TSHZ2: variants seen among roughly 807,000 people sequenced by gnomAD.
TSHZ2 encodes teashirt homolog 2.
A neutral mutation model predicts 74.4 loss-of-function variants in TSHZ2; 21 were observed. The ratio of observed to expected loss-of-function variants is 0.28; its 90% CI spans 0.20 to 0.41. The LOEUF is 0.41. Ranked by LOEUF, TSHZ2 falls within the 10% of genes least tolerant of loss-of-function variation. The probability of loss-of-function intolerance (pLI) is 1.00; values close to 1 mark genes in which losing one functional copy is unlikely to be tolerated. For synonymous variants in TSHZ2, 540 were observed against 515.3 expected, an observed-to-expected ratio of 1.05 and a Z score of -0.65; for missense variants, 1,244 against 1,293.5, an observed-to-expected ratio of 0.96 and a Z score of 0.59.
intron 2 of TSHZ2, among the ~76,000 whole-genome samples, chr20:53,435,226 T>C (rs1169703705): frequency 2.0e-5 from 3 of 152,222 alleles, no homozygotes; most frequent in Admixed American, 2.0e-4. Context: ...ACCAATTGTG[T>C]GCAAGGTCCT....
chr20:53,210,098 G>T (rs1049973458), intron 1 of TSHZ2, among the ~76,000 whole-genome samples: 1 of 152,250 alleles, frequency 6.6e-6, no homozygotes, highest in Non-Finnish European at 1.5e-5. Context: ...AGACAGGGGT[G>T]TGGCTTGCCT....
In TSHZ2 at chr20:53,203,639, C is replaced by T. The variant is rs914237667; in HGVS notation, c.41-49860C>T. Among the ~76,000 whole-genome samples the T allele has an allele frequency of 3.9e-5, 6 of 152,274 alleles. No homozygotes were observed. In the East Asian group the frequency reaches 1.2e-3, roughly 29 times the overall value. On this transcript the variant is annotated intron_variant, in intron 1 of 2. Transcript: ENST00000371497. Reference sequence around the variant, plus strand: ...ACACTGCCTCCCCTAGGAGGGCAGACTCATCTCCAGCCAAGGGTGCCAGGT... The same window carrying T: ...ACACTGCCTCCCCTAGGAGGGCAGATTCATCTCCAGCCAAGGGTGCCAGGT...
chr20:53,123,239 C>A (rs948131527), intron 1 of TSHZ2, among the ~76,000 whole-genome samples: 11 of 152,212 alleles, frequency 7.2e-5, no homozygotes, highest in Non-Finnish European at 1.2e-4. Flanking sequence ...GCTCCATAAC[C>A]AAAACCTCCA....
At chr20:53,331,217 CA>C (rs1165488034) in intron 2 of TSHZ2, among the ~76,000 whole-genome samples, 1 of 152,134 alleles carries the variant, frequency 6.6e-6, no homozygotes, top group Non-Finnish European at 1.5e-5. Flanking sequence ...TTGTTTTTAA[CA>C]AAGGCTACTT....
Position 53,423,264 on chromosome 20 carries a change from G to T in TSHZ2, c.*9-63880G>T, listed in dbSNP as rs1460004247. ...AAAATATGAAAATTAGCCATGTATG[G>T]TGTTGGCTTTCAGGAAGGCTGAGGC... is the stretch of plus-strand genomic sequence containing the variant. On this transcript the variant is annotated intron_variant, in intron 2 of 2. Transcript: ENST00000371497. 1.3e-5 allele frequency among the ~76,000 whole-genome samples: 2 copies of T among 152,236 alleles called. 1 individual carries two copies. The highest frequency in any genetic ancestry group is 4.1e-4 in the South Asian group (2 of 4,830).
chr20:53,296,698 G>T (rs1420498926), intron 2 of TSHZ2, among the ~76,000 whole-genome samples: 1 of 152,174 alleles, frequency 6.6e-6, no homozygotes, highest in Non-Finnish European at 1.5e-5. Context: ...TTGGTCCAAG[G>T]CTAAGGTTAG....
intron 1 of TSHZ2, among the ~76,000 whole-genome samples, chr20:53,169,228 A>G (rs1039854073): frequency 6.6e-6 from 1 of 152,220 alleles, no homozygotes; most frequent in Non-Finnish European, 1.5e-5. Flanking sequence ...GTTGGTTCTC[A>G]CCTTTCTGGG....
chr20:53,315,911 T>C (rs1978985766), intron 2 of TSHZ2, among the ~76,000 whole-genome samples: 1 of 152,130 alleles, frequency 6.6e-6, no homozygotes, highest in Non-Finnish European at 1.5e-5. Flanking sequence ...AGCTGAGCTC[T>C]GGAGGTGGGT....
At chr20:53,264,052 T>C (rs1316336252) in intron 2 of TSHZ2, among the ~76,000 whole-genome samples, 1 of 152,224 alleles carries the variant, frequency 6.6e-6, no homozygotes, top group Admixed American at 6.5e-5. Flanking sequence ...TCAGATTATA[T>C]AAATCTTTTG....
chr20:53,092,972 A>G, intron 1 of TSHZ2, among the ~76,000 whole-genome samples: 1 of 152,216 alleles, frequency 6.6e-6, no homozygotes, highest in South Asian at 2.1e-4. Context: ...TCTTATTTAC[A>G]AAACAAGCGG....
At chr20:53,144,559 A>G (rs1055105467) in intron 1 of TSHZ2, among the ~76,000 whole-genome samples, 2 of 152,208 alleles carry the variant, frequency 1.3e-5, no homozygotes, top group African/African-American at 4.8e-5. Context: ...TAATCACTGT[A>G]TATGTTTTAA....
intron 1 of TSHZ2, among the ~76,000 whole-genome samples, chr20:53,128,030 G>A (rs1327611256): frequency 6.6e-6 from 1 of 152,044 alleles, no homozygotes; most frequent in African/African-American, 2.4e-5. Context: ...GCTGTTTTTG[G>A]CTGGTCACTT....
At chr20:52,999,632 C>A (rs1038631168) in intron 1 of TSHZ2, among the ~76,000 whole-genome samples, 1 of 152,186 alleles carries the variant, frequency 6.6e-6, no homozygotes, top group Non-Finnish European at 1.5e-5. Context: ...ATTTCCTACC[C>A]TGTTGCCCAG....
At chr20:53,327,426 T>C (rs1385659542) in intron 2 of TSHZ2, among the ~76,000 whole-genome samples, 1 of 152,172 alleles carries the variant, frequency 6.6e-6, no homozygotes, top group Non-Finnish European at 1.5e-5. Flanking sequence ...GAGGCGTAGA[T>C]TGCAGTGAGC....
chr20:53,393,367 T>G (rs1348628334), intron 2 of TSHZ2, among the ~76,000 whole-genome samples: 1 of 152,198 alleles, frequency 6.6e-6, no homozygotes, highest in African/African-American at 2.4e-5. Flanking sequence ...TCCAACAGAT[T>G]TAGCTTTGCA....
chr20:53,290,677 A>T (rs1991262454), intron 2 of TSHZ2, among the ~76,000 whole-genome samples: 1 of 152,208 alleles, frequency 6.6e-6, no homozygotes, highest in Non-Finnish European at 1.5e-5. Flanking sequence ...CATTATGGGT[A>T]TTACGTGCAA....
rs545117967 is a variant in TSHZ2, at chr20:53,423,385, A to G, written c.*9-63759A>G. Among the ~76,000 whole-genome samples the G allele has an allele frequency of 5.9e-5, 9 of 151,292 alleles. No homozygotes were observed. In the East Asian group the frequency reaches 1.3e-3, roughly 23 times the overall value. On this transcript the variant is annotated intron_variant, in intron 2 of 2. Coordinates refer to ENST00000371497, the MANE Select transcript of TSHZ2 (RefSeq NM_173485.6). ...GGTGACAGAGCAAGGTTCCATCTCAAAAAAAACAAACAAACAAAAAAGGCT... is the reference window on the plus strand; with the variant it reads ...GGTGACAGAGCAAGGTTCCATCTCAGAAAAAACAAACAAACAAAAAAGGCT...
At chr20:53,119,073 C>A (rs918512017) in intron 1 of TSHZ2, among the ~76,000 whole-genome samples, 2 of 151,162 alleles carry the variant, frequency 1.3e-5, no homozygotes, top group African/African-American at 4.9e-5. Context: ...GAGACACTCA[C>A]CCCCATGATC....
chr20:53,483,897 T>C (rs1447568224), intron 2 of TSHZ2, among the ~76,000 whole-genome samples: 2 of 152,170 alleles, frequency 1.3e-5, no homozygotes, highest in Non-Finnish European at 2.9e-5. Context: ...AAGGAAGTGA[T>C]AATAAAACAA....
Sources: allele counts gnomAD v4.1 joint callset (sites outside exome capture counted in the v4.1 genomes callset), GRCh38; gene constraint gnomAD v4.1.1; transcripts MANE v1.5; gene names NCBI Gene and HGNC (gene_info 2026-07-23, HGNC 2026-07-21).